Variants in RAPSN observed in about 807,000 individuals in gnomAD.
RAPSN encodes the protein 43 kDa receptor-associated protein of the synapse.
A neutral mutation model predicts 45.7 loss-of-function variants in RAPSN; 33 were observed. The observed-to-expected ratio is 0.72, with a 90% CI of 0.55 to 0.97. The LOEUF (loss-of-function observed/expected upper bound fraction) is 0.97. Ranked by LOEUF, RAPSN falls within the 50% of genes least tolerant of loss-of-function variation. The pLI, the probability that RAPSN is intolerant of heterozygous loss-of-function variation, is 0.00. For synonymous variants in RAPSN, 244 were observed against 233.6 expected, an observed-to-expected ratio of 1.04 and a Z score of -0.40; for missense variants, 519 against 559.4, an observed-to-expected ratio of 0.93 and a Z score of 0.73.
At chr11:47,443,931 CAAAAAAAAAAAAAAA>C (rs1161231934) in intron 2 of RAPSN, among the ~76,000 whole-genome samples, 1 of 13,952 alleles carries the variant, frequency 7.2e-5, no homozygotes, top group African/African-American at 3.2e-4. Flanking sequence ...CTCTGTCTCA[CAAAAAAAAAAAAAAA>C]AAAAAAAAAA....
chr11:47,439,878 A>T (rs2076349962), intron 6 of RAPSN, among the ~76,000 whole-genome samples: 1 of 151,728 alleles, frequency 6.6e-6, no homozygotes, highest in Non-Finnish European at 1.5e-5. Context: ...ACACCTGGCT[A>T]ATTTTTGTAT....
At position 47,447,818 on chromosome 11, in the gene RAPSN, C is replaced by T. The variant is rs764450765; in HGVS notation, c.525G>A (p.Gln175=). The T allele has an allele frequency of 6.2e-7, 1 of 1,611,822 alleles. No homozygotes were observed. Among genetic ancestry groups the T allele is most frequent in the South Asian group, 1.1e-5 (1 of 90,706 alleles). The change falls in exon 2 of 8, where the codon CAG becomes CAA. Residue 175 remains glutamine (Q), a synonymous_variant. Coordinates refer to ENST00000298854, the MANE Select transcript of RAPSN (RefSeq NM_005055.5). ...VCCSLGSFYA[Q]VKDYEKALFF... ...CCCTGGGGTGCAGGCCCACCTTGAC[C>T]TGGGCATAGAAGCTGCCCAGGCTGC...
At chr11:47,446,011 C>T (rs2076402768) in intron 2 of RAPSN, among the ~76,000 whole-genome samples, 1 of 151,956 alleles carries the variant, frequency 6.6e-6, no homozygotes, top group Non-Finnish European at 1.5e-5. Context: ...TCACTGCAGC[C>T]TCAAACTCCT....
intron 5 of RAPSN, 88 bp from the exon 6 acceptor site, chr11:47,441,300 A>C: frequency 6.5e-7 from 1 of 1,533,664 alleles, no homozygotes; most frequent in Non-Finnish European, 8.9e-7. Flanking sequence ...GGGCAGGCCT[A>C]GGGAGGGTGA....
At chr11:47,446,571 A>G in intron 2 of RAPSN, among the ~76,000 whole-genome samples, 1 of 152,080 alleles carries the variant, frequency 6.6e-6, no homozygotes, top group Non-Finnish European at 1.5e-5. Context: ...TCCCCCATGG[A>G]CCAAGCACAG....
chr11:47,447,684 C>T (rs2076418669), intron 2 of RAPSN, 128 bp downstream of exon 2: 4 of 1,143,344 alleles, frequency 3.5e-6, no homozygotes, highest in Admixed American at 2.3e-5. Context: ...CCTTTTTGCT[C>T]TCTGATTCTC....
intron 3 of RAPSN, 140 bp from the exon 4 acceptor site, chr11:47,442,061 C>A (rs1450681665): frequency 2.2e-6 from 2 of 901,846 alleles, no homozygotes; most frequent in Non-Finnish European, 3.4e-6. Context: ...GTGCTGAGGG[C>A]TCACACACTG....
chr11:47,447,246 CT>C (rs778221459), intron 2 of RAPSN, among the ~76,000 whole-genome samples: 30 of 152,300 alleles, frequency 2.0e-4, no homozygotes, highest in African/African-American at 5.5e-4. Flanking sequence ...ACGCCCAGTG[CT>C]GCCAGCCCTT....
rs202132996 is a variant in RAPSN, at chr11:47,442,863, C to A, written c.532-49G>T. 355 of 1,609,034 alleles carry A rather than the reference C, an allele frequency of 2.2e-4. 1 individual carries two copies. Among genetic ancestry groups the A allele is most frequent in the Admixed American group, 2.3e-4 (14 of 60,004 alleles). On this transcript the variant is annotated intron_variant, in intron 2 of 7. Coordinates refer to ENST00000298854, the MANE Select transcript of RAPSN (RefSeq NM_005055.5). The stretch of plus-strand genomic sequence containing the variant: ...GAGGCAAACTGAGTGGCAGAGGCTG[C>A]CCCAAGTCAAGGGCTCCTGGGCTAG...
At chr11:47,448,187 T>C (rs1460398379) in intron 1 of RAPSN, 37 bp from the exon 2 acceptor site, 4 of 1,598,430 alleles carry the variant, frequency 2.5e-6, no homozygotes, top group South Asian at 2.2e-5. Flanking sequence ...GTGCTCAGCC[T>C]GGACTCTGAG....
rs1445067589 is a variant in RAPSN, at chr11:47,442,872, A to AAGG, written c.532-61_532-59dup. 1.9e-6 allele frequency: 3 copies of AAGG among 1,607,440 alleles called. No homozygotes were observed. In the African/African-American group the frequency reaches 4.0e-5, roughly 21 times the overall value. On this transcript the variant is annotated intron_variant, in intron 2 of 7. Transcript: ENST00000298854. ...TGAGTGGCAGAGGCTGCCCCAAGTC[A>AAGG]AGGGCTCCTGGGCTAGGTTTCTCTA...
At chr11:47,448,343 A>G (rs947292878) in intron 1 of RAPSN, among the ~76,000 whole-genome samples, 193 bp from the exon 2 acceptor site, 1 of 151,490 alleles carries the variant, frequency 6.6e-6, no homozygotes, top group Non-Finnish European at 1.5e-5. Context: ...CCTACACCCC[A>G]GCCTCACCTC....
rs1291190585 is a variant in RAPSN, at chr11:47,441,178, G to A, written c.947C>T (p.Ala316Val). 1 of 1,613,988 alleles carries A rather than the reference G, an allele frequency of 6.2e-7. No individual in the cohort carries two copies. Among genetic ancestry groups the A allele is most frequent in the East Asian group, 2.2e-5 (1 of 44,862 alleles). ...LDAIERAQDL[A>V]EEVGNKLSQL... ...TCTGACCTTGTTCCCCACCTCCTCG[G>A]CCAGATCCTGGGCTCTCTCGATGGC... Residue 316 changes from alanine to valine, a missense_variant, in exon 6 of 8, where the codon GCC (alanine) becomes GTC (valine). Physicochemically the swap from Ala to Val is moderately conservative, Grantham distance 64. Coordinates refer to ENST00000298854, the MANE Select transcript of RAPSN (RefSeq NM_005055.5).
Position 47,438,743 on chromosome 11 carries a change from G to C in RAPSN, c.1155C>G (p.Ile385Met). 1 of 1,563,734 alleles carries C rather than the reference G, an allele frequency of 6.4e-7. No homozygotes were observed. The change falls in exon 7 of 8, where the codon ATC (isoleucine) becomes ATG (methionine). Residue 385 changes from isoleucine (I) to methionine (M), a missense_variant. Coordinates refer to ENST00000298854, the MANE Select transcript of RAPSN (RefSeq NM_005055.5). ...SRLQALPCSH[I>M]FHLRCLQNNG... ...CCAGGAGCCCCCACCTGAGGTGGAA[G>C]ATGTGGGAGCAAGGTAGGGCCTGCA...
chr11:47,438,238 AG>A (rs1248299182), intron 7 of RAPSN, among the ~76,000 whole-genome samples, 191 bp from the exon 8 acceptor site: 6 of 151,922 alleles, frequency 3.9e-5, no homozygotes, highest in African/African-American at 1.5e-4. Flanking sequence ...CCTCTGCCCC[AG>A]GGACCTCCAG....
In RAPSN at chr11:47,437,881, A is replaced by G; in HGVS notation, c.*94T>C. The G allele has an allele frequency of 6.7e-7, 1 of 1,498,054 alleles. No homozygotes were observed. Among genetic ancestry groups the G allele is most frequent in the African/African-American group, 1.4e-5 (1 of 71,996 alleles). 92.8% of individuals were successfully genotyped at this position (1,498,054 alleles called of 1,614,324 possible). A position where few individuals can be genotyped will look rare whatever the true frequency, so the allele number is the denominator to read the frequency against. Reference sequence around the variant, plus strand: ...CAAGGCCTTGGCTATGGTGAGGACGACCTGGCAGCTGCCCCAGGAGTAAAT... The same window carrying G: ...CAAGGCCTTGGCTATGGTGAGGACGGCCTGGCAGCTGCCCCAGGAGTAAAT... On this transcript the variant is annotated 3_prime_UTR_variant, in exon 8 of 8. Transcript: ENST00000298854.
intron 2 of RAPSN, 28 bp from the exon 3 acceptor site, chr11:47,442,842 C>T (rs761094937): frequency 1.2e-6 from 2 of 1,612,312 alleles, no homozygotes; most frequent in African/African-American, 2.7e-5. Flanking sequence ...TGGAAGGAGG[C>T]AAACTGAGTG....
rs562305622 is a variant in RAPSN at position 47,442,359 on chromosome 11, T to G, written c.690+297A>C. Among the ~76,000 whole-genome samples the G allele has an allele frequency of 7.9e-5, 12 of 152,270 alleles. No individual in the cohort carries two copies. The East Asian group carries it at 2.3e-3, about 29-fold the overall frequency. On this transcript the variant is annotated intron_variant, in intron 3 of 7. Transcript: ENST00000298854. ...GTTCAGCTGTAGAGAACTCATCTCATTTAAAAAATAAAAACTGGGCCAGGC... is the reference window on the plus strand; with the variant it reads ...GTTCAGCTGTAGAGAACTCATCTCAGTTAAAAAATAAAAACTGGGCCAGGC...
Position 47,449,067 on chromosome 11 carries a change from G to A in RAPSN, c.-103C>T. 7.0e-7 allele frequency: 1 copy of A among 1,426,374 alleles called. No individual in the cohort carries two copies. The highest frequency in any genetic ancestry group is 9.8e-7 in the Non-Finnish European group (1 of 1,016,586). 88.4% of individuals were successfully genotyped at this position (1,426,374 alleles called of 1,614,324 possible). A position where few individuals can be genotyped will look rare whatever the true frequency, so the allele number is the denominator to read the frequency against. ...CAGTGCCAGCTGCCCCCCGAAACGT[G>A]GGAACAAAAGCAGCGTCGGGTGGGA... On this transcript the variant is annotated 5_prime_UTR_variant, in exon 1 of 8. Transcript: ENST00000298854.
Sources: gnomAD v4.1 joint callset for allele counts (sites outside exome capture counted in the v4.1 genomes callset) on GRCh38, gnomAD v4.1.1 for gene constraint, MANE v1.5 for transcripts, NCBI Gene and HGNC (gene_info 2026-07-23, HGNC 2026-07-21) for gene names.